A4GALT: variants seen among roughly 807,000 people sequenced by gnomAD.
A4GALT encodes the protein alpha 1,4-galactosyltransferase (P1PK blood group).
For missense variants in A4GALT, 512 were observed against 486.0 expected (o/e 1.05, Z -0.50); for synonymous variants, 257 against 220.7 (o/e 1.16, Z -1.46).
intron 1 of A4GALT, among the ~76,000 whole-genome samples, chr22:42,697,720 T>TG (rs1204056572): frequency 1.3e-5 from 2 of 152,138 alleles, no homozygotes; most frequent in African/African-American, 4.8e-5. Flanking sequence ...AGCATGCTCC[T>TG]GGCCCCCGAG....
In A4GALT at chr22:42,693,906, G is replaced by A. The variant is rs1930719359; in HGVS notation, c.46C>T (p.Pro16Ser). 1.2e-6 allele frequency: 2 copies of A among 1,607,364 alleles called. No homozygotes were observed. Among genetic ancestry groups the A allele is most frequent in the Admixed American group, 1.7e-5 (1 of 59,284 alleles). The change falls in exon 3 of 3, where the codon CCA (proline) becomes TCA (serine). Residue 16 changes from proline (P) to serine (S), a missense_variant. Pro to Ser is a moderately conservative substitution (Grantham distance 74). Transcript: ENST00000642412. ...AACAGGGTGCAGACCCGCTGCCTTG[G>A]GGCGCCCCGGAGCAGCCGCAGCAGG... is the stretch of plus-strand genomic sequence containing the variant. ...DLLLRLLRGA[P>S]RQRVCTLFII...
chr22:42,716,502 G>A (rs1327941834), intron 1 of A4GALT, among the ~76,000 whole-genome samples: 1 of 152,168 alleles, frequency 6.6e-6, no homozygotes, highest in Non-Finnish European at 1.5e-5. Flanking sequence ...TCACCATCCT[G>A]TGTGGCAGGT....
intron 1 of A4GALT, among the ~76,000 whole-genome samples, chr22:42,704,761 C>T (rs1020694791): frequency 1.8e-4 from 27 of 150,728 alleles, no homozygotes; most frequent in Admixed American, 9.4e-4. Flanking sequence ...TTATACAAAG[C>T]AACATGGGTA....
chr22:42,704,670 A>C (rs1775624741), intron 1 of A4GALT, among the ~76,000 whole-genome samples: 1 of 152,032 alleles, frequency 6.6e-6, no homozygotes, highest in African/African-American at 2.4e-5. Context: ...GACGTTACAA[A>C]CAGAAAACTC....
In A4GALT at chr22:42,692,473, G is replaced by C; in HGVS notation, c.*417C>G. On this transcript the variant is annotated 3_prime_UTR_variant, in exon 3 of 3. Coordinates refer to ENST00000642412, the MANE Select transcript of A4GALT (RefSeq NM_017436.7). The surrounding 1 kb of genome is among the most constrained non-coding windows in gnomAD (Gnocchi z 4.6). ...TTGGGGCTGGGTCTCCCCCAGCCCT[G>C]CCACTTTCCTACCAACAGCCTCCTC... The C allele has an allele frequency of 2.8e-6, 1 of 358,112 alleles. No individual in the cohort carries two copies. Among genetic ancestry groups the C allele is most frequent in the Non-Finnish European group, 5.5e-6 (1 of 180,716 alleles). The allele number at this position is 358,112 out of a possible 1,614,324, so 22.2% of individuals were successfully genotyped here. A position where few individuals can be genotyped will look rare whatever the true frequency, so the allele number is the denominator to read the frequency against.
intron 1 of A4GALT, among the ~76,000 whole-genome samples, chr22:42,709,608 G>A (rs1408909514): frequency 6.6e-6 from 1 of 151,870 alleles, no homozygotes; most frequent in African/African-American, 2.4e-5. Context: ...TGGCCAACAT[G>A]GCAAAAACCC....
intron 1 of A4GALT, among the ~76,000 whole-genome samples, chr22:42,714,274 C>CAAAAAA (rs1163088658): frequency 0.059 from 951 of 16,162 alleles, 339 homozygotes; most frequent in Non-Finnish European, 0.086. Flanking sequence ...GACTCTGTCT[C>CAAAAAA]AAAAAAAAAA....
At chr22:42,709,067 A>ATATATATATATATATTTTTTT (rs1180529043) in intron 1 of A4GALT, among the ~76,000 whole-genome samples, 135 of 128,782 alleles carry the variant, frequency 1.0e-3, no homozygotes, top group Non-Finnish European at 1.6e-3. Flanking sequence ...ATATATATAT[A>ATATATATATATATATTTTTTT]TTTTTTTTAA....
rs150601028 is a variant in A4GALT, at chr22:42,712,191, T to A, written c.-188+8606A>T. Among the ~76,000 whole-genome samples the A allele has an allele frequency of 3.0e-3, 463 of 152,228 alleles. 1 individual carries two copies. The highest frequency in any genetic ancestry group is 4.8e-3 in the Non-Finnish European group (328 of 68,022). The stretch of plus-strand genomic sequence containing the variant: ...CCTTCCCTCCCAGGGTCACTCTAGC[T>A]CCCCACAGGAAGCTGGATCTGGCTG... On this transcript the variant is annotated intron_variant, in intron 1 of 2. Transcript: ENST00000642412.
At position 42,701,961 on chromosome 22, in the gene A4GALT, A is replaced by G. The variant is rs546029548; in HGVS notation, c.-187-6330T>C. On this transcript the variant is annotated intron_variant, in intron 1 of 2. Transcript: ENST00000642412. ...AGAGGAAAGGATAGCCCAGAAGTCAATGACGGAACCTTCTGATGACCTCCT... is the reference window on the plus strand; with the variant it reads ...AGAGGAAAGGATAGCCCAGAAGTCAGTGACGGAACCTTCTGATGACCTCCT... 3.9e-5 allele frequency among the ~76,000 whole-genome samples: 6 copies of G among 152,306 alleles called. No homozygotes were observed. The South Asian group carries it at 8.3e-4, about 21-fold the overall frequency.
chr22:42,720,140 G>A (rs1230308904), intron 1 of A4GALT, among the ~76,000 whole-genome samples: 1 of 152,180 alleles, frequency 6.6e-6, no homozygotes, highest in Non-Finnish European at 1.5e-5. Context: ...GGAGAGGAGG[G>A]AGGGGCGCCT....
chr22:42,697,451 G>T (rs916231), intron 1 of A4GALT, among the ~76,000 whole-genome samples: 53 of 152,014 alleles, frequency 3.5e-4, no homozygotes, highest in Non-Finnish European at 7.7e-4. Flanking sequence ...CCACGCGGAC[G>T]GGTGGACAGT....
At position 42,692,413 on chromosome 22, in the gene A4GALT, C is replaced by T. The variant is rs1263979506; in HGVS notation, c.*477G>A. 1.3e-5 allele frequency: 4 copies of T among 311,174 alleles called. No homozygotes were observed. In the East Asian group the frequency reaches 3.4e-4, roughly 27 times the overall value. The allele number at this position is 311,174 out of a possible 1,614,324, so 19.3% of individuals were successfully genotyped here. A position where few individuals can be genotyped will look rare whatever the true frequency, so the allele number is the denominator to read the frequency against. On this transcript the variant is annotated 3_prime_UTR_variant, in exon 3 of 3. Coordinates refer to ENST00000642412, the MANE Select transcript of A4GALT (RefSeq NM_017436.7). The surrounding 1 kb of genome is among the most constrained non-coding windows in gnomAD (Gnocchi z 4.6). ...ACCCCCCGCGAAAGAGGAACCAAAA[C>T]CAGAAAAGAACAAAGCATCCTCCGC... is the stretch of plus-strand genomic sequence containing the variant.
intron 1 of A4GALT, among the ~76,000 whole-genome samples, chr22:42,717,947 C>T (rs375182697): frequency 5.3e-5 from 8 of 152,144 alleles, no homozygotes; most frequent in Non-Finnish European, 1.0e-4. Context: ...CTAGGAAATA[C>T]GAAGAAATAT....
Position 42,693,445 on chromosome 22 carries a change from G to T in A4GALT, c.507C>A (p.Tyr169Ter). 6.2e-7 allele frequency: 1 copy of T among 1,613,332 alleles called. No homozygotes were observed. The highest frequency in any genetic ancestry group is 1.7e-5 in the Admixed American group (1 of 60,030). Residue 169 changes from tyrosine (Y) to a stop codon, truncating the protein, a stop_gained, in exon 3 of 3, where the codon TAC (tyrosine) becomes TAA (stop). Transcript: ENST00000642412. LOFTEE classifies it low-confidence loss of function (END_TRUNC). ...YAAVQGRWEP[Y>*]LLPVLSDASR... ...AGGCGTCGGAGAGCACGGGCAGCAG[G>T]TAGGGCTCCCAGCGCCCCTGCACGG...
At chr22:42,714,878 G>A (rs912593471) in intron 1 of A4GALT, among the ~76,000 whole-genome samples, 14 of 152,160 alleles carry the variant, frequency 9.2e-5, no homozygotes, top group African/African-American at 3.4e-4. Context: ...GTTGGGTTAG[G>A]GGGTGCTGCT....
intron 1 of A4GALT, among the ~76,000 whole-genome samples, chr22:42,697,524 T>C (rs971691751): frequency 6.6e-5 from 10 of 152,086 alleles, no homozygotes; most frequent in African/African-American, 2.4e-4. Flanking sequence ...GCTGGCATGA[T>C]CTGACTCCAT....
chr22:42,709,063 A>AC (rs1555887878), intron 1 of A4GALT, among the ~76,000 whole-genome samples: 1 of 93,208 alleles, frequency 1.1e-5, no homozygotes, highest in Admixed American at 1.1e-4. Context: ...ATATATATAT[A>AC]TATATTTTTT....
At chr22:42,717,758 A>G (rs530106748) in intron 1 of A4GALT, among the ~76,000 whole-genome samples, 5 of 152,132 alleles carry the variant, frequency 3.3e-5, no homozygotes, top group Non-Finnish European at 4.4e-5. Flanking sequence ...ATACACCCAC[A>G]CACACACCCA....
Sources: allele counts gnomAD v4.1 joint callset (sites outside exome capture counted in the v4.1 genomes callset), GRCh38; gene constraint gnomAD v4.1.1; non-coding constraint Gnocchi (gnomAD v3.1); transcripts MANE v1.5; gene names NCBI Gene and HGNC (gene_info 2026-07-23, HGNC 2026-07-21).